Variants in EPC1 observed in about 807,000 individuals in gnomAD.
EPC1 encodes enhancer of polycomb homolog 1.
A neutral mutation model predicts 98.4 loss-of-function variants in EPC1; 12 were observed. The ratio of observed to expected loss-of-function variants is 0.12; its 90% confidence interval spans 0.08 to 0.20. The LOEUF (loss-of-function observed/expected upper bound fraction) is 0.20, where lower values mean the gene tolerates loss of function less well. Among genes scored for constraint, EPC1 ranks in the 10% least tolerant of loss-of-function variants. The pLI, the probability that EPC1 is intolerant of heterozygous loss-of-function variation, is 1.00. For missense variants in EPC1, 729 were observed against 990.5 expected (o/e 0.74, Z 3.54); for synonymous variants, 357 against 363.9 (o/e 0.98, Z 0.21).
chr10:32,360,759 T>TGGCCTGCGCCTGTAGTCCCAGC (rs1269259300), intron 1 of EPC1, among the ~76,000 whole-genome samples: 12 of 152,134 alleles, frequency 7.9e-5, no homozygotes, highest in Non-Finnish European at 1.6e-4. Context: ...CCAGGCGCAG[T>TGGCCTGCGCCTGTAGTCCCAGC]GGCCTGCGCC....
chr10:32,342,315 G>A (rs1004415546), intron 1 of EPC1, among the ~76,000 whole-genome samples: 7 of 152,194 alleles, frequency 4.6e-5, no homozygotes, highest in Admixed American at 1.3e-4. Flanking sequence ...TAAAGAAAGA[G>A]ACTGTTGGTT....
chr10:32,338,252 C>T (rs1838098791), intron 1 of EPC1, among the ~76,000 whole-genome samples: 1 of 152,150 alleles, frequency 6.6e-6, no homozygotes, highest in Non-Finnish European at 1.5e-5. Context: ...GATTCTCTCT[C>T]TCCATCTAGT....
chr10:32,298,605 G>T (rs1835310052), intron 2 of EPC1, among the ~76,000 whole-genome samples: 2 of 152,192 alleles, frequency 1.3e-5, no homozygotes, highest in African/African-American at 4.8e-5. Context: ...TGACATCCTT[G>T]CCTCAGCTCT....
At position 32,268,460 on chromosome 10, in the gene EPC1, T is replaced by G. The variant is rs1835685781; in HGVS notation, c.*603A>C. On this transcript the variant is annotated 3_prime_UTR_variant, in exon 14 of 14. Coordinates refer to ENST00000319778, the MANE Select transcript of EPC1 (RefSeq NM_001272004.3). ...ATGCCTTTTTTTTTTTTTTTTTTTTTGTAAAATTCTGTATGTATGTCACCA... is the reference window on the plus strand; with the variant it reads ...ATGCCTTTTTTTTTTTTTTTTTTTTGGTAAAATTCTGTATGTATGTCACCA... The G allele has an allele frequency of 2.5e-5, 2 of 80,502 alleles. No homozygotes were observed. The highest frequency in any genetic ancestry group is 3.6e-4 in the East Asian group (1 of 2,792). 5.0% of individuals were successfully genotyped at this position (80,502 alleles called of 1,614,324 possible).
Position 32,286,698 on chromosome 10 carries a change from C to T in EPC1, c.1387G>A (p.Gly463Arg), listed in dbSNP as rs765791082. The T allele has an allele frequency of 3.1e-6, 5 of 1,613,806 alleles. No individual in the cohort carries two copies. The highest frequency in any genetic ancestry group is 4.2e-6 in the Non-Finnish European group (5 of 1,179,924). The change falls in exon 9 of 14, where the codon GGA becomes AGA. Residue 463 changes from glycine (G) to arginine (R), a missense_variant. Coordinates refer to ENST00000319778, the MANE Select transcript of EPC1 (RefSeq NM_001272004.3). ...AGGAATACAGAAATACCTTACCTTCCACCGCGCCCAACCCGTCTTCGTGCA... is the reference window on the plus strand; with the variant it reads ...AGGAATACAGAAATACCTTACCTTCTACCGCGCCCAACCCGTCTTCGTGCA... ...GFARRRVGRG[G>R]RVLLDRAHSD...
At chr10:32,360,037 T>C (rs756310128) in intron 1 of EPC1, among the ~76,000 whole-genome samples, 2 of 152,182 alleles carry the variant, frequency 1.3e-5, no homozygotes, top group Non-Finnish European at 2.9e-5. Flanking sequence ...TCATTCATGT[T>C]TGTATCAGTA....
upstream of EPC1, among the ~76,000 whole-genome samples, chr10:32,350,468 G>C (rs769355740): frequency 2.0e-5 from 3 of 152,188 alleles, no homozygotes; most frequent in African/African-American, 7.2e-5. Flanking sequence ...GGAATGAAAT[G>C]CTATTATAGA....
chr10:32,291,057 G>A lies in EPC1; in HGVS notation c.975+106C>T, dbSNP rs187377157. The A allele has an allele frequency of 5.9e-5, 61 of 1,042,588 alleles. No homozygotes were observed. In the Admixed American group the frequency reaches 1.1e-3, roughly 19 times the overall value. 64.6% of individuals were successfully genotyped at this position (1,042,588 alleles called of 1,614,324 possible). Reference sequence around the variant, plus strand: ...GTCCCGAAGTGCTGGGATTACAGGCGTGAGCCACTGTGCCCGGCCTATGTG... The same window carrying A: ...GTCCCGAAGTGCTGGGATTACAGGCATGAGCCACTGTGCCCGGCCTATGTG... On this transcript the variant is annotated intron_variant, in intron 6 of 13. Transcript: ENST00000319778.
intron 5 of EPC1, 108 bp downstream of exon 5, chr10:32,292,386 TAA>T: frequency 1.3e-6 from 1 of 785,260 alleles, no homozygotes; most frequent in Non-Finnish European, 1.9e-6. Context: ...TCTCTATTAT[TAA>T]AAAAAGATAT....
chr10:32,352,861 C>G (rs1327389376), intron 1 of EPC1, among the ~76,000 whole-genome samples: 1 of 152,068 alleles, frequency 6.6e-6, no homozygotes, highest in Non-Finnish European at 1.5e-5. Context: ...CTTAGTATCC[C>G]TAGTATCTAT....
chr10:32,315,111 T>A (rs1419274520), intron 1 of EPC1, among the ~76,000 whole-genome samples: 1 of 152,228 alleles, frequency 6.6e-6, no homozygotes, highest in East Asian at 1.9e-4. Context: ...TCAAAAGATG[T>A]ATTCTCATGT....
At chr10:32,328,500 A>G (rs1279295749) in intron 1 of EPC1, among the ~76,000 whole-genome samples, 1 of 152,238 alleles carries the variant, frequency 6.6e-6, no homozygotes, top group Admixed American at 6.5e-5. Flanking sequence ...AACTTTCTAT[A>G]GGAAGCAGGT....
intron 1 of EPC1, among the ~76,000 whole-genome samples, chr10:32,360,399 G>A (rs545467911): frequency 2.6e-5 from 4 of 152,294 alleles, no homozygotes; most frequent in Non-Finnish European, 5.9e-5. Flanking sequence ...AGGCCTCTTT[G>A]CACAGGTTGC....
chr10:32,286,599 T>A (rs1277885360), intron 9 of EPC1, 95 bp downstream of exon 9: 1 of 1,398,682 alleles, frequency 7.1e-7, no homozygotes, highest in Non-Finnish European at 9.8e-7. Flanking sequence ...TAGGAACTAA[T>A]GAGTTGTTCA....
At chr10:32,320,145 C>T (rs1457896721) in intron 1 of EPC1, among the ~76,000 whole-genome samples, 3 of 151,166 alleles carry the variant, frequency 2.0e-5, no homozygotes, top group African/African-American at 7.3e-5. Flanking sequence ...TACTACTCCC[C>T]TTCTTGCAAC....
At chr10:32,356,905 C>T (rs1839296294) in intron 1 of EPC1, among the ~76,000 whole-genome samples, 1 of 152,094 alleles carries the variant, frequency 6.6e-6, no homozygotes, top group Non-Finnish European at 1.5e-5. Flanking sequence ...GGCGTGAACC[C>T]GGGAGGCGGA....
chr10:32,301,041 TC>T (rs764589060), intron 2 of EPC1, among the ~76,000 whole-genome samples: 10,543 of 103,330 alleles, frequency 0.1, 477 homozygotes, highest in African/African-American at 0.18. Context: ...CACATTTATA[TC>T]TATCTATCTA....
At chr10:32,319,969 G>A (rs56677790) in intron 1 of EPC1, among the ~76,000 whole-genome samples, 4,978 of 152,172 alleles carry the variant, frequency 0.033, 270 homozygotes, top group African/African-American at 0.11. Flanking sequence ...GTGAGCCACC[G>A]TGCCCAGCCG....
intron 1 of EPC1, among the ~76,000 whole-genome samples, chr10:32,372,649 AT>A (rs1333680123): frequency 2.0e-5 from 3 of 152,262 alleles, no homozygotes; most frequent in Middle Eastern, 6.3e-3. Flanking sequence ...CCGATTACTC[AT>A]TCTAGGAAAA....
Sources: allele counts gnomAD v4.1 joint callset (sites outside exome capture counted in the v4.1 genomes callset), GRCh38; gene constraint gnomAD v4.1.1; transcripts MANE v1.5; gene names NCBI Gene and HGNC (gene_info 2026-07-23, HGNC 2026-07-21).